SKIC3: variants seen among roughly 807,000 people sequenced by gnomAD.
SKIC3 encodes the protein SKI3 subunit of superkiller complex, also known as superkiller complex protein 3.
chr5:95,540,976 A>AT, the SKIC3 span: 5 of 886,616 alleles, frequency 5.6e-6, no homozygotes, highest in East Asian at 1.3e-4. Context: ...ATTTTATTTT[A>AT]TTTTTTTGAG....
the SKIC3 span, among the ~76,000 whole-genome samples, chr5:95,519,547 C>CA: frequency 1.3e-5 from 2 of 151,452 alleles, no homozygotes; most frequent in African/African-American, 4.8e-5. Flanking sequence ...AAATTGACAG[C>CA]AAAAAATGAG....
the SKIC3 span, among the ~76,000 whole-genome samples, chr5:95,466,342 T>TTCTGTTACC: frequency 6.6e-6 from 1 of 152,172 alleles, no homozygotes; most frequent in Non-Finnish European, 1.5e-5. Context: ...TCCATTAGGA[T>TTCTGTTACC]TCTGTTACCT....
At chr5:95,554,509 C>G in the SKIC3 span, among the ~76,000 whole-genome samples, 1 of 152,210 alleles carries the variant, frequency 6.6e-6, no homozygotes, top group Non-Finnish European at 1.5e-5. Flanking sequence ...TCCAGTTTCG[C>G]TTATCTCCTT....
the SKIC3 span, among the ~76,000 whole-genome samples, chr5:95,493,373 G>A: frequency 6.6e-6 from 1 of 152,086 alleles, no homozygotes; most frequent in Non-Finnish European, 1.5e-5. Flanking sequence ...CCTAATCTGG[G>A]CAATCTCACC....
At chr5:95,469,710 C>T in the SKIC3 span, 1 of 1,598,190 alleles carries the variant, frequency 6.3e-7, no homozygotes, top group Non-Finnish European at 8.6e-7. Context: ...TATAATCTTT[C>T]CTTGATTATT....
chr5:95,464,641 GCT>G, the SKIC3 span: 4 of 1,613,404 alleles, frequency 2.5e-6, no homozygotes, highest in Non-Finnish European at 3.4e-6. Flanking sequence ...CAGTTCCAAT[GCT>G]CTTGTATCTC....
chr5:95,466,319 A>G, the SKIC3 span, among the ~76,000 whole-genome samples: 36,533 of 152,008 alleles, frequency 0.24, 5,716 homozygotes, highest in African/African-American at 0.44. Flanking sequence ...TTTTTTAAAG[A>G]TAATACGAAC....
At chr5:95,495,994 T>C in the SKIC3 span, among the ~76,000 whole-genome samples, 1 of 152,066 alleles carries the variant, frequency 6.6e-6, no homozygotes, top group Non-Finnish European at 1.5e-5. Flanking sequence ...GCTTCTGCCA[T>C]TTGCAAATGC....
At chr5:95,489,139 A>T in the SKIC3 span, among the ~76,000 whole-genome samples, 2 of 152,128 alleles carry the variant, frequency 1.3e-5, no homozygotes. Context: ...CAACATAGCA[A>T]GACCTCATTT....
At chr5:95,545,695 G>C in the SKIC3 span, among the ~76,000 whole-genome samples, 1 of 152,036 alleles carries the variant, frequency 6.6e-6, no homozygotes, top group East Asian at 1.9e-4. Flanking sequence ...TCCTCCTTCA[G>C]CAACCCCACT....
the SKIC3 span, among the ~76,000 whole-genome samples, chr5:95,504,510 G>A: frequency 2.0e-4 from 31 of 151,464 alleles, no homozygotes; most frequent in East Asian, 5.6e-3. Context: ...ATTTTTTTAA[G>A]CTGAATACTT....
At chr5:95,546,071 C>G in the SKIC3 span, among the ~76,000 whole-genome samples, 1 of 152,078 alleles carries the variant, frequency 6.6e-6, no homozygotes, top group East Asian at 1.9e-4. Context: ...TTTCTCATTC[C>G]TCTTTACCCA....
the SKIC3 span, among the ~76,000 whole-genome samples, chr5:95,471,287 T>C: frequency 1.3e-5 from 2 of 152,186 alleles, no homozygotes; most frequent in Admixed American, 6.5e-5. Flanking sequence ...CTCTCTAAAT[T>C]CTATGAAATC....
chr5:95,476,928 T>C, the SKIC3 span, among the ~76,000 whole-genome samples: 2 of 152,238 alleles, frequency 1.3e-5, no homozygotes, highest in Non-Finnish European at 2.9e-5. Context: ...CTAAGTGCTA[T>C]AGTTTGCTAT....
the SKIC3 span, among the ~76,000 whole-genome samples, chr5:95,496,791 G>A: frequency 6.6e-6 from 1 of 152,070 alleles, no homozygotes; most frequent in Admixed American, 6.5e-5. Context: ...GACTTCAGAT[G>A]TTGGAATTAT....
the SKIC3 span, among the ~76,000 whole-genome samples, chr5:95,533,167 A>G: frequency 6.6e-6 from 1 of 152,186 alleles, no homozygotes; most frequent in Non-Finnish European, 1.5e-5. Flanking sequence ...AAAAAATTTC[A>G]ACAGATGACA....
the SKIC3 span, among the ~76,000 whole-genome samples, chr5:95,549,629 G>A: frequency 6.6e-6 from 1 of 151,872 alleles, no homozygotes; most frequent in African/African-American, 2.4e-5. Flanking sequence ...TAGCACTGAG[G>A]TCCTCTCTCA....
the SKIC3 span, chr5:95,484,895 T>C: frequency 2.0e-4 from 319 of 1,596,412 alleles, no homozygotes; most frequent in Admixed American, 1.2e-3. Context: ...TTATAATGTG[T>C]TCTTAGAGGA....
chr5:95,503,136 G>C, the SKIC3 span: 1 of 974,868 alleles, frequency 1.0e-6, no homozygotes, highest in Non-Finnish European at 1.5e-6. Flanking sequence ...CTGTTCTCAA[G>C]CAGATAGAAT....
Sources: allele counts gnomAD v4.1 joint callset (sites outside exome capture counted in the v4.1 genomes callset), GRCh38; gene constraint gnomAD v4.1.1; transcripts MANE v1.5; gene names NCBI Gene and HGNC (gene_info 2026-07-23, HGNC 2026-07-21).